The following OTULIN variants were observed in gnomAD, a reference collection of about 807,000 sequenced individuals.
The protein encoded by OTULIN is ubiquitin thioesterase otulin.
In OTULIN, 15 loss-of-function variants were observed where a neutral mutation model predicts 39.6. That is an observed-to-expected ratio of 0.38 (90% CI 0.25 to 0.58). The LOEUF (loss-of-function observed/expected upper bound fraction) is 0.58. Ranked by LOEUF, OTULIN falls within the 20% of genes least tolerant of loss-of-function variation. The pLI is 0.66. For missense variants in OTULIN, 319 were observed against 445.9 expected (o/e 0.72, Z 2.56); for synonymous variants, 156 against 170.3 (o/e 0.92, Z 0.65).
the OTULIN span, among the ~76,000 whole-genome samples, chr5:14,712,535 C>T: frequency 1.3e-5 from 2 of 152,256 alleles, no homozygotes; most frequent in Non-Finnish European, 2.9e-5. Flanking sequence ...CCTCTCCCAT[C>T]GGCAGCATCG....
At chr5:14,669,590 A>G (rs193151504) in intron 1 of OTULIN, among the ~76,000 whole-genome samples, 1 of 152,184 alleles carries the variant, frequency 6.6e-6, no homozygotes, top group East Asian at 1.9e-4. Flanking sequence ...TGGACAACAT[A>G]GTGAGACCCT....
At chr5:14,673,372 A>G (rs1475275908) in intron 1 of OTULIN, among the ~76,000 whole-genome samples, 4 of 152,242 alleles carry the variant, frequency 2.6e-5, no homozygotes, top group African/African-American at 4.8e-5. Context: ...AGGCATTACA[A>G]TTAAAATGCC....
chr5:14,707,143 A>G, the OTULIN span: 5 of 152,378 alleles, frequency 3.3e-5, no homozygotes, highest in African/African-American at 1.2e-4. Flanking sequence ...ACTAACCGGC[A>G]CATGCTGTCC....
the OTULIN span, among the ~76,000 whole-genome samples, chr5:14,711,991 T>C: frequency 5.9e-5 from 9 of 152,220 alleles, no homozygotes; most frequent in Non-Finnish European, 1.0e-4. Context: ...AACCCTTCAT[T>C]GTGGCCACCT....
intron 1 of OTULIN, among the ~76,000 whole-genome samples, chr5:14,672,358 T>C (rs1052251946): frequency 4.6e-5 from 7 of 152,164 alleles, no homozygotes; most frequent in Admixed American, 3.3e-4. Context: ...CCTTCCTCAG[T>C]CTGGCCCTCC....
At chr5:14,676,591 C>G (rs2126819702) in intron 2 of OTULIN, among the ~76,000 whole-genome samples, 1 of 152,358 alleles carries the variant, frequency 6.6e-6, no homozygotes. Context: ...GCCTCCTCCC[C>G]TCAGTCATGG....
the OTULIN span, among the ~76,000 whole-genome samples, chr5:14,715,090 G>T: frequency 6.6e-6 from 1 of 152,224 alleles, no homozygotes; most frequent in Non-Finnish European, 1.5e-5. Flanking sequence ...AGCAAGGGCC[G>T]TTCCATCAGC....
At chr5:14,688,386 C>T (rs565326895) in intron 5 of OTULIN, among the ~76,000 whole-genome samples, 1 of 152,142 alleles carries the variant, frequency 6.6e-6, no homozygotes, top group African/African-American at 2.4e-5. Context: ...TTTCAAGGTC[C>T]TTCCTAGCAC....
chr5:14,679,304 G>T (rs1736185975), intron 3 of OTULIN, among the ~76,000 whole-genome samples: 1 of 152,154 alleles, frequency 6.6e-6, no homozygotes, highest in Non-Finnish European at 1.5e-5. Flanking sequence ...TGCTGTGACT[G>T]TTTGGTCCGG....
At chr5:14,665,883 GC>G (rs1304202142) in intron 1 of OTULIN, among the ~76,000 whole-genome samples, 1 of 152,192 alleles carries the variant, frequency 6.6e-6, no homozygotes, top group African/African-American at 2.4e-5. Context: ...TTTGTTGAGA[GC>G]CCCCTTGGGA....
At chr5:14,715,953 T>C in the OTULIN span, among the ~76,000 whole-genome samples, 1 of 152,248 alleles carries the variant, frequency 6.6e-6, no homozygotes, top group Non-Finnish European at 1.5e-5. Context: ...CAGCAGTCCT[T>C]CTCTGTCTTT....
chr5:14,714,321 C>T, the OTULIN span, among the ~76,000 whole-genome samples: 2 of 152,214 alleles, frequency 1.3e-5, no homozygotes, highest in African/African-American at 2.4e-5. Context: ...GCAGGAGGGC[C>T]ATGGGTGGAC....
intron 1 of OTULIN, among the ~76,000 whole-genome samples, chr5:14,671,135 C>T (rs1735968836): frequency 6.6e-6 from 1 of 151,956 alleles, no homozygotes; most frequent in South Asian, 2.1e-4. Context: ...TCCTGTTGGC[C>T]TTTGTAGGAA....
At chr5:14,700,296 A>G (rs1417953023), downstream of OTULIN, among the ~76,000 whole-genome samples, 4 of 152,178 alleles carry the variant, frequency 2.6e-5, no homozygotes, top group African/African-American at 9.7e-5. Context: ...ACTCACTCAG[A>G]GTATTTTAGT....
intron 1 of OTULIN, among the ~76,000 whole-genome samples, chr5:14,669,357 C>T (rs1407365594): frequency 6.8e-6 from 1 of 146,762 alleles, no homozygotes; most frequent in Non-Finnish European, 1.5e-5. Flanking sequence ...AAGAGCGAAA[C>T]TCCGTCTCAA....
At chr5:14,665,653 C>A (rs1466069887) in intron 1 of OTULIN, among the ~76,000 whole-genome samples, 1 of 152,112 alleles carries the variant, frequency 6.6e-6, no homozygotes, top group East Asian at 1.9e-4. Flanking sequence ...TTTTAGGCAC[C>A]TATAAATGCC....
At chr5:14,671,111 T>C (rs1328549963) in intron 1 of OTULIN, among the ~76,000 whole-genome samples, 1 of 152,270 alleles carries the variant, frequency 6.6e-6, no homozygotes, top group Non-Finnish European at 1.5e-5. Flanking sequence ...TTCTGCTGTT[T>C]GTTTCCTTTC....
chr5:14,703,517 G>A (rs746114257), downstream of OTULIN, among the ~76,000 whole-genome samples: 6 of 152,086 alleles, frequency 3.9e-5, no homozygotes, highest in Non-Finnish European at 7.4e-5. Context: ...ACTGGCGGTG[G>A]GGGGTTGAGG....
the OTULIN span, among the ~76,000 whole-genome samples, chr5:14,711,539 C>T: frequency 2.4e-4 from 36 of 152,192 alleles, no homozygotes; most frequent in Non-Finnish European, 1.5e-4. Context: ...GCAGGCACTT[C>T]GGAGGACACC....
Sources: allele counts gnomAD v4.1 joint callset (sites outside exome capture counted in the v4.1 genomes callset), GRCh38; gene constraint gnomAD v4.1.1; transcripts MANE v1.5; gene names NCBI Gene and HGNC (gene_info 2026-07-23, HGNC 2026-07-21).